FRYL: variants seen among roughly 807,000 people sequenced by gnomAD.
The protein encoded by FRYL is FRY like transcription coactivator, also known as protein furry homolog-like.
A neutral mutation model predicts 351.2 loss-of-function variants in FRYL; 150 were observed. The ratio of observed to expected loss-of-function variants is 0.43; its 90% CI spans 0.37 to 0.49. The LOEUF (loss-of-function observed/expected upper bound fraction) is 0.49, where lower values mean the gene tolerates loss of function less well. Among genes scored for constraint, FRYL ranks in the 20% least tolerant of loss-of-function variants. FRYL has a pLI of 0.00. For synonymous variants in FRYL, 1,153 were observed against 1,257.1 expected (o/e 0.92, Z 1.75); for missense variants, 3,036 against 3,619.3 (o/e 0.84, Z 4.13).
intron 19 of FRYL, among the ~76,000 whole-genome samples, chr4:48,584,556 C>T (rs1027090683): frequency 7.9e-5 from 12 of 152,172 alleles, no homozygotes; most frequent in African/African-American, 2.7e-4. Context: ...CCAGGAGATA[C>T]AATATGGGAG....
chr4:48,598,991 T>A, intron 13 of FRYL: 1 of 273,170 alleles, frequency 3.7e-6, no homozygotes, highest in Non-Finnish European at 5.6e-6. Context: ...AGAAGAAATT[T>A]GAAATGTCCA....
At chr4:48,741,731 G>C (rs773664495) in intron 1 of FRYL, among the ~76,000 whole-genome samples, 4 of 151,844 alleles carry the variant, frequency 2.6e-5, no homozygotes, top group Non-Finnish European at 5.9e-5. Flanking sequence ...TAATAATAAA[G>C]ACATGGAGGA....
intron 27 of FRYL, among the ~76,000 whole-genome samples, chr4:48,568,800 A>G (rs1057139348): frequency 2.6e-5 from 4 of 152,148 alleles, no homozygotes; most frequent in African/African-American, 4.8e-5. Context: ...ATCATGACCT[A>G]CTAGTGGATA....
intron 1 of FRYL, among the ~76,000 whole-genome samples, chr4:48,739,593 T>C (rs894239828): frequency 6.6e-6 from 1 of 151,084 alleles, no homozygotes; most frequent in Non-Finnish European, 1.5e-5. Context: ...CAGACCCAAA[T>C]CTAAAATACA....
chr4:48,603,203 C>T, intron 12 of FRYL, 87 bp downstream of exon 12: 1 of 949,024 alleles, frequency 1.1e-6, no homozygotes, highest in Non-Finnish European at 1.6e-6. Context: ...TCAGATTTTA[C>T]CATTCTCTTA....
chr4:48,603,157 C>G, intron 12 of FRYL, 133 bp downstream of exon 12: 1 of 675,864 alleles, frequency 1.5e-6, no homozygotes, highest in Middle Eastern at 4.0e-4. Context: ...GTATGTAAAA[C>G]TTGCCCTTGT....
chr4:48,579,990 A>G (rs1188520806), intron 22 of FRYL, among the ~76,000 whole-genome samples: 1 of 152,112 alleles, frequency 6.6e-6, no homozygotes, highest in Non-Finnish European at 1.5e-5. Context: ...ATAAATATGT[A>G]CAATTGTATC....
chr4:48,654,298 C>CAAAAA (rs34418324), intron 3 of FRYL, among the ~76,000 whole-genome samples: 4 of 123,686 alleles, frequency 3.2e-5, no homozygotes, highest in Non-Finnish European at 5.1e-5. Flanking sequence ...AATAGCTGAT[C>CAAAAA]AAAAAAAAAA....
chr4:48,572,067 A>C, intron 26 of FRYL: 1 of 856,458 alleles, frequency 1.2e-6, no homozygotes, highest in Non-Finnish European at 1.4e-6. Context: ...GAGAATGAGG[A>C]ATTGCAGATG....
At position 48,653,858 on chromosome 4, in the gene FRYL, T is replaced by G. The variant is rs1274654592; in HGVS notation, c.-80-19368A>C. On this transcript the variant is annotated intron_variant, in intron 3 of 63. Coordinates refer to ENST00000358350, the MANE Select transcript of FRYL (RefSeq NM_015030.2). ...GAAGCAGAAGCAGCAGCAGCAGCGG[T>G]TTTGCCGTTCTGTCTCTCCAAGCCG... The G allele has an allele frequency of 7.0e-6, 9 of 1,286,326 alleles. No homozygotes were observed. In the Admixed American group the frequency reaches 2.1e-4, roughly 30 times the overall value. 79.7% of individuals were successfully genotyped at this position (1,286,326 alleles called of 1,614,324 possible).
intron 2 of FRYL, among the ~76,000 whole-genome samples, chr4:48,687,441 T>C (rs1765247469): frequency 1.5e-5 from 2 of 129,974 alleles, no homozygotes; most frequent in South Asian, 5.2e-4. Context: ...TAATAAATAG[T>C]GAACAGTGGT....
At chr4:48,710,862 T>G (rs1288361379) in intron 1 of FRYL, among the ~76,000 whole-genome samples, 164 bp from the exon 2 acceptor site, 3 of 151,968 alleles carry the variant, frequency 2.0e-5, no homozygotes, top group Non-Finnish European at 4.4e-5. Flanking sequence ...TCCAGAGAAA[T>G]GAAAACATAC....
At chr4:48,621,438 T>C (rs2149324501) in intron 5 of FRYL, among the ~76,000 whole-genome samples, 1 of 152,332 alleles carries the variant, frequency 6.6e-6, no homozygotes, top group African/African-American at 2.4e-5. Flanking sequence ...CATCACAGAT[T>C]CTTTTCATGA....
At position 48,501,724 on chromosome 4, in the gene FRYL, G is replaced by A; in HGVS notation, c.8491C>T (p.Leu2831Phe). The change falls in exon 62 of 64, where the codon CTC becomes TTC. Residue 2831 changes from leucine (L) to phenylalanine (F), a missense_variant. Physicochemically the swap from Leu to Phe is conservative, Grantham distance 22. Transcript: ENST00000358350. Reference sequence around the variant, plus strand: ...TGCAATTTGTATAATCTTCGGCAGAGCTCCAATTCCTAGAAATAAATAACA... The same window carrying A: ...TGCAATTTGTATAATCTTCGGCAGAACTCCAATTCCTAGAAATAAATAACA... The part of the protein sequence containing the change: ...QQMEILAELE[L>F]CRRLYKLHFQ... The A allele has an allele frequency of 6.3e-7, 1 of 1,578,352 alleles. No individual in the cohort carries two copies. Among genetic ancestry groups the A allele is most frequent in the Non-Finnish European group, 8.7e-7 (1 of 1,149,210 alleles).
chr4:48,507,976 TGAA>T (rs2148746326), intron 59 of FRYL, among the ~76,000 whole-genome samples: 1 of 152,208 alleles, frequency 6.6e-6, no homozygotes, highest in East Asian at 1.9e-4. Context: ...TTAGCAGTCT[TGAA>T]TAATAATAAA....
chr4:48,683,506 A>C (rs1475137046), intron 3 of FRYL, among the ~76,000 whole-genome samples: 1 of 152,128 alleles, frequency 6.6e-6, no homozygotes, highest in Non-Finnish European at 1.5e-5. Context: ...TTACTTATTA[A>C]GTCAACTAGT....
intron 55 of FRYL, among the ~76,000 whole-genome samples, chr4:48,516,984 C>T (rs529745047): frequency 7.9e-5 from 12 of 152,184 alleles, no homozygotes; most frequent in African/African-American, 2.4e-4. Flanking sequence ...ACAGAAATAA[C>T]GCCATGAAAA....
chr4:48,677,468 T>C (rs1237212924), intron 3 of FRYL, among the ~76,000 whole-genome samples: 2 of 151,984 alleles, frequency 1.3e-5, no homozygotes, highest in Admixed American at 6.6e-5. Context: ...TGGAATGCAG[T>C]AGTGCGATCT....
At chr4:48,734,976 T>G (rs1771155019) in intron 1 of FRYL, among the ~76,000 whole-genome samples, 1 of 150,912 alleles carries the variant, frequency 6.6e-6, no homozygotes, top group African/African-American at 2.4e-5. Flanking sequence ...AAATGGAATC[T>G]AATTAAACTA....
Sources: allele counts gnomAD v4.1 joint callset (sites outside exome capture counted in the v4.1 genomes callset), GRCh38; gene constraint gnomAD v4.1.1; transcripts MANE v1.5; gene names NCBI Gene and HGNC (gene_info 2026-07-23, HGNC 2026-07-21).